TSGA10: variants seen among roughly 807,000 people sequenced by gnomAD.
TSGA10 encodes testis specific 10, also known as testis-specific gene 10 protein.
Under a neutral mutation model 96.6 loss-of-function variants are expected in TSGA10, and 43 were observed. That is an observed-to-expected ratio of 0.44 (90% confidence interval 0.35 to 0.57). TSGA10 has a LOEUF of 0.57. Among genes scored for constraint, TSGA10 ranks in the 20% least tolerant of loss-of-function variants. TSGA10 has a pLI of 0.01. For missense variants in TSGA10, 703 were observed against 834.4 expected (o/e 0.84, Z 1.94); for synonymous variants, 229 against 269.9 (o/e 0.85, Z 1.48).
chr2:99,079,350 CA>C (rs2087141531), intron 11 of TSGA10, among the ~76,000 whole-genome samples: 1 of 152,258 alleles, frequency 6.6e-6, no homozygotes, highest in South Asian at 2.1e-4. Flanking sequence ...AAGTATGATT[CA>C]ATCTGTGAGA....
intron 2 of TSGA10, among the ~76,000 whole-genome samples, chr2:99,120,266 C>A (rs1018900250): frequency 6.6e-6 from 1 of 152,166 alleles, no homozygotes; most frequent in African/African-American, 2.4e-5. Context: ...CCCCTCCCTT[C>A]TCTCATGAAC....
At chr2:99,141,364 A>C in intron 1 of TSGA10, 5 of 182,770 alleles carry the variant, frequency 2.7e-5, no homozygotes, top group South Asian at 7.1e-5. Context: ...CTCGTCTTCC[A>C]CCTCCCCGGC....
rs1213832769 is a variant in TSGA10 at position 99,151,111 on chromosome 2, T to C, written c.-621+3582A>G. ...AACCAGAGTTTTTAAGTAACAGTATTTGAATGGCATCAAAACATTTTCATT... is the reference window on the plus strand; with the variant it reads ...AACCAGAGTTTTTAAGTAACAGTATCTGAATGGCATCAAAACATTTTCATT... On this transcript the variant is annotated intron_variant, in intron 1 of 20. Transcript: ENST00000393483. The C allele has an allele frequency of 1.5e-5, 4 of 261,168 alleles. No individual in the cohort carries two copies. The Admixed American group carries it at 1.6e-4, about 10-fold the overall frequency. The allele number at this position is 261,168 out of a possible 1,614,324, so 16.2% of individuals were successfully genotyped here.
intron 20 of TSGA10, among the ~76,000 whole-genome samples, chr2:99,012,167 G>A (rs974150407): frequency 5.9e-5 from 9 of 152,086 alleles, no homozygotes; most frequent in African/African-American, 2.2e-4. Context: ...ACTGTTTAAA[G>A]GAGTTCTAAA....
chr2:99,074,131 G>A (rs35061462), intron 12 of TSGA10, among the ~76,000 whole-genome samples: 1 of 147,994 alleles, frequency 6.8e-6, no homozygotes, highest in Non-Finnish European at 1.5e-5. Flanking sequence ...TCCTGCCTCA[G>A]CCTCCCAAGT....
intron 10 of TSGA10, among the ~76,000 whole-genome samples, chr2:99,095,832 A>G (rs1477244321): frequency 5.9e-5 from 9 of 152,076 alleles, no homozygotes; most frequent in African/African-American, 1.9e-4. Context: ...GTAGAGACGG[A>G]GTTTCACCAT....
In TSGA10 at chr2:99,010,387, T is replaced by C. The variant is rs145314793; in HGVS notation, c.2072+7813A>G. Among the ~76,000 whole-genome samples, 846 of 152,308 alleles carry C rather than the reference T, an allele frequency of 5.6e-3. 6 individuals are homozygous for C. The highest frequency in any genetic ancestry group is 9.9e-3 in the Non-Finnish European group (676 of 68,024). On this transcript the variant is annotated intron_variant, in intron 20 of 20. Coordinates refer to ENST00000393483, the MANE Select transcript of TSGA10 (RefSeq NM_025244.4). ...GAAAGAAGTGGCATGCTGCTGCCAA[T>C]TCCATGAAACAGGTGAAAAACTGTG...
chr2:99,040,537 C>T (rs1283029117), intron 16 of TSGA10, among the ~76,000 whole-genome samples: 1 of 151,898 alleles, frequency 6.6e-6, no homozygotes, highest in Non-Finnish European at 1.5e-5. Context: ...CAAAAAAACA[C>T]AACTTAGGAA....
chr2:99,068,931 G>T lies in TSGA10; in HGVS notation c.1175C>A (p.Thr392Asn). The T allele has an allele frequency of 6.8e-7, 1 of 1,464,312 alleles. No individual in the cohort carries two copies. The highest frequency in any genetic ancestry group is 9.0e-7 in the Non-Finnish European group (1 of 1,111,676). The allele number at this position is 1,464,312 out of a possible 1,614,324, so 90.7% of individuals were successfully genotyped here. A position where few individuals can be genotyped will look rare whatever the true frequency, so the allele number is the denominator to read the frequency against. ...LNDIKQKVQD[T>N]NLEVNKLKNI... ...CTTCAGCTTGTTAACCTCCAAATTA[G>T]TATCTTGAACCTTCTGTTTTATGTC... The change falls in exon 15 of 21, where the codon ACT becomes AAT. Residue 392 changes from threonine to asparagine, a missense_variant. Thr to Asn is a moderately conservative substitution (Grantham distance 65). Around this residue, in one of 3 missense-constraint regions of TSGA10, gnomAD observed 585 missense variants for 656.8 expected, o/e 0.89. Coordinates refer to ENST00000393483, the MANE Select transcript of TSGA10 (RefSeq NM_025244.4).
In TSGA10 at chr2:99,090,015, TC is replaced by T. The variant is rs561049910; in HGVS notation, c.612-8619del. ...AGGACCCTCACAGAGTCCATTTCAC[TC>T]CCCTGCCACCTCCACCAGAGCAGGT... is the stretch of plus-strand genomic sequence containing the variant. On this transcript the variant is annotated intron_variant, in intron 10 of 20. Transcript: ENST00000393483. Among the ~76,000 whole-genome samples the T allele has an allele frequency of 4.8e-4, 73 of 152,110 alleles. No individual in the cohort carries two copies. In the Middle Eastern group the frequency reaches 0.014, roughly 28 times the overall value.
chr2:99,082,586 T>C (rs150405100), intron 10 of TSGA10, among the ~76,000 whole-genome samples: 1 of 152,084 alleles, frequency 6.6e-6, no homozygotes, highest in Non-Finnish European at 1.5e-5. Flanking sequence ...TGGTTCCCGA[T>C]TGGTCATATA....
chr2:99,132,559 C>T (rs1004583231), intron 1 of TSGA10, among the ~76,000 whole-genome samples: 5 of 152,142 alleles, frequency 3.3e-5, no homozygotes, highest in African/African-American at 1.2e-4. Flanking sequence ...AAAAAACCAG[C>T]TCCTGGATTC....
intron 16 of TSGA10, among the ~76,000 whole-genome samples, chr2:99,062,488 C>G (rs1282897361): frequency 2.6e-5 from 4 of 152,166 alleles, no homozygotes; most frequent in African/African-American, 9.7e-5. Context: ...CTAATCCTAG[C>G]ACTTTGGGAG....
At chr2:99,046,461 C>G (rs1158510776) in intron 16 of TSGA10, among the ~76,000 whole-genome samples, 33 of 152,132 alleles carry the variant, frequency 2.2e-4, no homozygotes, top group Non-Finnish European at 2.6e-4. Flanking sequence ...ACAACCTGCT[C>G]CTGAATGACT....
In TSGA10 at chr2:98,998,021, G is replaced by T; in HGVS notation, c.*176C>A. The T allele has an allele frequency of 1.7e-6, 1 of 576,776 alleles. No individual in the cohort carries two copies. 35.7% of individuals were successfully genotyped at this position (576,776 alleles called of 1,614,324 possible). A position where few individuals can be genotyped will look rare whatever the true frequency, so the allele number is the denominator to read the frequency against. ...GCCATATACATTTTTGTTTTTATAA[G>T]TCATCTCAGATCACTGCAACATGGC... On this transcript the variant is annotated 3_prime_UTR_variant, in exon 21 of 21. Transcript: ENST00000393483.
intron 17 of TSGA10, among the ~76,000 whole-genome samples, chr2:99,021,215 TA>T (rs1159498691): frequency 6.6e-6 from 1 of 151,562 alleles, no homozygotes; most frequent in Non-Finnish European, 1.5e-5. Flanking sequence ...TGAAAAGAAA[TA>T]AAAATGAAAT....
chr2:99,083,473 A>T (rs1173519152), intron 10 of TSGA10, among the ~76,000 whole-genome samples: 1 of 152,054 alleles, frequency 6.6e-6, no homozygotes, highest in Admixed American at 6.6e-5. Context: ...AACGAAAAAC[A>T]CCCCCAAAAA....
chr2:99,133,352 CTTG>C (rs1261575518), intron 1 of TSGA10, among the ~76,000 whole-genome samples: 1 of 152,062 alleles, frequency 6.6e-6, no homozygotes, highest in Non-Finnish European at 1.5e-5. Context: ...CCTTCTTTGT[CTTG>C]TTTTGATCTT....
rs944268564 is a variant in TSGA10 at position 99,035,442 on chromosome 2, G to A, written c.1405-3C>T. On this transcript the variant is annotated splice_region_variant and splice_polypyrimidine_tract_variant and intron_variant, in intron 16 of 20. Coordinates refer to ENST00000393483, the MANE Select transcript of TSGA10 (RefSeq NM_025244.4). ...TAAGACCTTTCTGCATTTAAGTGCTGTAAGAATAAAATTATATATATGTAT... is the reference window on the plus strand; with the variant it reads ...TAAGACCTTTCTGCATTTAAGTGCTATAAGAATAAAATTATATATATGTAT... 5 of 1,595,692 alleles carry A rather than the reference G, an allele frequency of 3.1e-6. No homozygotes were observed. The highest frequency in any genetic ancestry group is 2.6e-6 in the Non-Finnish European group (3 of 1,167,746).
Sources: allele counts gnomAD v4.1 joint callset (sites outside exome capture counted in the v4.1 genomes callset), GRCh38; gene constraint gnomAD v4.1.1; regional missense constraint gnomAD v4.1.1; transcripts MANE v1.5; gene names NCBI Gene and HGNC (gene_info 2026-07-23, HGNC 2026-07-21).